The following IL1RAPL2 variants were observed in gnomAD, a reference collection of about 807,000 sequenced individuals.
IL1RAPL2 encodes interleukin 1 receptor accessory protein like 2, also known as X-linked interleukin-1 receptor accessory protein-like 2.
Under a neutral mutation model 44.1 loss-of-function variants are expected in IL1RAPL2, and 3 were observed. That is an observed-to-expected ratio of 0.07 (90% CI 0.03 to 0.18). The LOEUF is 0.18. Ranked by LOEUF, IL1RAPL2 falls within the 10% of genes least tolerant of loss-of-function variation. IL1RAPL2 has a pLI of 1.00. For missense variants in IL1RAPL2, 391 were observed against 496.4 expected (o/e 0.79, Z 2.02); for synonymous variants, 181 against 178.8 (o/e 1.01, Z -0.10).
chrX:104,735,363 C>G (rs974736472), intron 2 of IL1RAPL2, among the ~76,000 whole-genome samples: 3 of 111,089 alleles, frequency 2.7e-5, no homozygotes, highest in Non-Finnish European at 5.7e-5. Flanking sequence ...GCTGATGTCA[C>G]ATATCCTCTG....
chrX:104,887,614 C>G (rs1246381124), intron 2 of IL1RAPL2, among the ~76,000 whole-genome samples: 3 of 111,861 alleles, frequency 2.7e-5, no homozygotes, highest in African/African-American at 9.8e-5. Context: ...ATACCAGGCA[C>G]TACTCCTTGA....
At chrX:104,883,529 C>A (rs779108137) in intron 2 of IL1RAPL2, among the ~76,000 whole-genome samples, 229 of 111,507 alleles carry the variant, frequency 2.1e-3, no homozygotes, top group Middle Eastern at 0.018. Context: ...AAGCGAGACT[C>A]GCCCATCTAT....
intron 2 of IL1RAPL2, among the ~76,000 whole-genome samples, chrX:104,816,544 A>G (rs1921140674): frequency 8.9e-6 from 1 of 112,420 alleles, no homozygotes; most frequent in Admixed American, 9.5e-5. Context: ...GCTTTAAAAA[A>G]TGAGAATAAC....
At chrX:105,704,748 A>C (rs757574823) in intron 6 of IL1RAPL2, among the ~76,000 whole-genome samples, 2 of 110,923 alleles carry the variant, frequency 1.8e-5, no homozygotes, top group African/African-American at 3.3e-5. Flanking sequence ...CCCAGCATGC[A>C]TTAGCTATTT....
intron 2 of IL1RAPL2, among the ~76,000 whole-genome samples, chrX:104,970,265 A>G (rs2030207682): frequency 8.9e-6 from 1 of 112,095 alleles, no homozygotes; most frequent in Non-Finnish European, 1.9e-5. Context: ...TGAGGTAAAT[A>G]TTTCAACAAA....
intron 6 of IL1RAPL2, among the ~76,000 whole-genome samples, chrX:105,491,485 A>C (rs1339234624): frequency 8.9e-6 from 1 of 112,011 alleles, no homozygotes; most frequent in Non-Finnish European, 1.9e-5. Context: ...AAAAACTTTT[A>C]TGTAATCTTG....
rs749359551 is a variant in IL1RAPL2 at position 105,280,090 on chromosome X, A to G, written c.697+12549A>G. On this transcript the variant is annotated intron_variant, in intron 5 of 10. Transcript: ENST00000372582. Reference sequence around the variant, plus strand: ...TGGTGCCAAAACAGATATATAGACCAATGGAACAGAACGGTGGCCTCAGAA... The same window carrying G: ...TGGTGCCAAAACAGATATATAGACCGATGGAACAGAACGGTGGCCTCAGAA... 1.4e-4 allele frequency among the ~76,000 whole-genome samples: 16 copies of G among 111,724 alleles called. No homozygotes were observed. In the East Asian group the frequency reaches 4.5e-3, roughly 32 times the overall value.
Position 104,873,647 on chromosome X carries a change from AGTTC to A in IL1RAPL2, c.82+214653_82+214656del, listed in dbSNP as rs1235388855. On this transcript the variant is annotated intron_variant, in intron 2 of 10. Coordinates refer to ENST00000372582, the MANE Select transcript of IL1RAPL2 (RefSeq NM_017416.2). ...GGTAAATCACTCGATGGCTCTTAAA[AGTTC>A]TAGGAAGCAGCACATATCACTTCCA... Among the ~76,000 whole-genome samples the A allele has an allele frequency of 5.4e-5, 6 of 111,241 alleles. No homozygotes were observed. In the Admixed American group the frequency reaches 5.8e-4, roughly 11 times the overall value.
At chrX:104,981,304 G>C (rs2030435832) in intron 2 of IL1RAPL2, among the ~76,000 whole-genome samples, 1 of 109,885 alleles carries the variant, frequency 9.1e-6, no homozygotes, top group Admixed American at 9.8e-5. Flanking sequence ...CCTCAAGTAG[G>C]CCCTGGTGTC....
intron 2 of IL1RAPL2, among the ~76,000 whole-genome samples, chrX:105,136,964 G>A (rs980069110): frequency 8.9e-6 from 1 of 112,332 alleles, no homozygotes; most frequent in Non-Finnish European, 1.9e-5. Flanking sequence ...TATGGATAAA[G>A]TCATTTCCCT....
Position 104,570,084 on chromosome X carries a change from A to T in IL1RAPL2, c.-20+3033A>T, listed in dbSNP as rs775012530. On this transcript the variant is annotated intron_variant, in intron 1 of 10. Transcript: ENST00000372582. Reference sequence around the variant, plus strand: ...CTGTAATCAAGTGGAAGAGATAAAAAGTCCCAAGTTTGAGGTCTTCACTAA... The same window carrying T: ...CTGTAATCAAGTGGAAGAGATAAAATGTCCCAAGTTTGAGGTCTTCACTAA... Among the ~76,000 whole-genome samples, 3 of 112,110 alleles carry T rather than the reference A, an allele frequency of 2.7e-5. No individual in the cohort carries two copies. In the South Asian group the frequency reaches 1.1e-3, roughly 42 times the overall value.
rs1246527338 is a variant in IL1RAPL2, at chrX:105,246,775, G to T, written c.543+12771G>T. Reference sequence around the variant, plus strand: ...GGGCAGTTTCTACATTTATTCAAAAGAAACCATAAACATCAGTTATATAGG... The same window carrying T: ...GGGCAGTTTCTACATTTATTCAAAATAAACCATAAACATCAGTTATATAGG... On this transcript the variant is annotated intron_variant, in intron 4 of 10. Coordinates refer to ENST00000372582, the MANE Select transcript of IL1RAPL2 (RefSeq NM_017416.2). Among the ~76,000 whole-genome samples, 13 of 111,634 alleles carry T rather than the reference G, an allele frequency of 1.2e-4. No homozygotes were observed. The Admixed American group carries it at 1.2e-3, about 11-fold the overall frequency.
chrX:104,633,975 GC>G (rs1267587488), intron 1 of IL1RAPL2, among the ~76,000 whole-genome samples: 1 of 110,421 alleles, frequency 9.1e-6, no homozygotes, highest in East Asian at 2.8e-4. Flanking sequence ...TCTCTTTTGG[GC>G]ATTTAGTGCT....
chrX:105,086,258 G>GACACACACACAC (rs1242773390), intron 2 of IL1RAPL2, among the ~76,000 whole-genome samples: 4 of 74,007 alleles, frequency 5.4e-5, no homozygotes, highest in African/African-American at 1.9e-4. Flanking sequence ...AAGAAAATGT[G>GACACACACACAC]ATACACACAC....
At chrX:105,318,027 C>T (rs1281658530) in intron 5 of IL1RAPL2, among the ~76,000 whole-genome samples, 1 of 106,811 alleles carries the variant, frequency 9.4e-6, no homozygotes, top group East Asian at 2.9e-4. Context: ...GGCTGGAGTG[C>T]AGTGGCGCGA....
chrX:105,021,796 T>C (rs2031286025), intron 2 of IL1RAPL2, among the ~76,000 whole-genome samples: 1 of 111,814 alleles, frequency 8.9e-6, no homozygotes, highest in Non-Finnish European at 1.9e-5. Flanking sequence ...TTCTTCCCTT[T>C]CTTTCTGCCT....
rs1033743685 is a variant in IL1RAPL2, at chrX:104,956,682, C to T, written c.83-238793C>T. 7.2e-5 allele frequency among the ~76,000 whole-genome samples: 8 copies of T among 110,956 alleles called. 1 individual carries two copies. The highest frequency in any genetic ancestry group is 3.9e-4 in the Admixed American group (4 of 10,373). On this transcript the variant is annotated intron_variant, in intron 2 of 10. Coordinates refer to ENST00000372582, the MANE Select transcript of IL1RAPL2 (RefSeq NM_017416.2). The stretch of plus-strand genomic sequence containing the variant: ...ACAAAACAAACCCAAGAGGGTTCAA[C>T]TGTAATTCTGTGGCTTTCTTCATAG...
intron 2 of IL1RAPL2, among the ~76,000 whole-genome samples, chrX:104,709,445 G>A (rs909447747): frequency 1.8e-5 from 2 of 110,238 alleles, no homozygotes; most frequent in South Asian, 3.9e-4. Context: ...TCATACTGAC[G>A]AGTACTTTCT....
chrX:104,605,521 A>G (rs951078079), intron 1 of IL1RAPL2, among the ~76,000 whole-genome samples: 3 of 111,755 alleles, frequency 2.7e-5, no homozygotes, highest in Admixed American at 1.9e-4. Flanking sequence ...AACATCCATG[A>G]ATCCAGGAGC....
Sources: gnomAD v4.1 joint callset for allele counts (sites outside exome capture counted in the v4.1 genomes callset) on GRCh38, gnomAD v4.1.1 for gene constraint, MANE v1.5 for transcripts, NCBI Gene and HGNC (gene_info 2026-07-23, HGNC 2026-07-21) for gene names.